HMCN1: variants seen among roughly 807,000 people sequenced by gnomAD.
The protein encoded by HMCN1 is hemicentin-1.
Under a neutral mutation model 625.9 loss-of-function variants are expected in HMCN1, and 321 were observed. That is an observed-to-expected ratio of 0.51 (90% CI 0.47 to 0.56). HMCN1 has a LOEUF of 0.56. Among genes scored for constraint, HMCN1 ranks in the 20% least tolerant of loss-of-function variants. The pLI, the probability that HMCN1 is intolerant of heterozygous loss-of-function variation, is 0.00. For missense variants in HMCN1, 6,588 were observed against 6,887.3 expected, an observed-to-expected ratio of 0.96 and a Z score of 1.54; for synonymous variants, 2,425 against 2,417.6, an observed-to-expected ratio of 1.00 and a Z score of -0.09.
intron 1 of HMCN1, among the ~76,000 whole-genome samples, chr1:185,795,842 T>A (rs924480626): frequency 1.3e-5 from 2 of 152,246 alleles, no homozygotes; most frequent in Non-Finnish European, 2.9e-5. Context: ...CTCACTCTTA[T>A]GTCACAAGGT....
At chr1:186,059,264 T>C (rs1657533022) in intron 46 of HMCN1, among the ~76,000 whole-genome samples, 1 of 152,086 alleles carries the variant, frequency 6.6e-6, no homozygotes, top group South Asian at 2.1e-4. Flanking sequence ...TGTATTAAAA[T>C]GTGGTTACCA....
intron 28 of HMCN1, 29 bp downstream of exon 28, chr1:186,001,770 C>T (rs1351552876): frequency 1.3e-6 from 2 of 1,585,608 alleles, no homozygotes; most frequent in Non-Finnish European, 1.7e-6. Context: ...TAAAAAACTA[C>T]AATTCAGAAG....
rs2102340884 is a variant in HMCN1, at chr1:185,857,408, TTTAGGGAGCTGTCTAA to T, written c.340-7059_340-7044del. On this transcript the variant is annotated intron_variant, in intron 2 of 106. Transcript: ENST00000271588. Reference sequence around the variant, plus strand: ...AAACTCAGACCCTTTCTAAAATGTATTTAGGGAGCTGTCTAATTCTATGCATTATACAGTTCATCTC... The same window carrying T: ...AAACTCAGACCCTTTCTAAAATGTATTTCTATGCATTATACAGTTCATCTC... Among the ~76,000 whole-genome samples the T allele has an allele frequency of 2.0e-5, 3 of 152,288 alleles. No individual in the cohort carries two copies. In the South Asian group the frequency reaches 6.2e-4, roughly 32 times the overall value.
At chr1:186,017,272 G>A (rs1229847885) in intron 33 of HMCN1, among the ~76,000 whole-genome samples, 1 of 151,992 alleles carries the variant, frequency 6.6e-6, no homozygotes, top group Non-Finnish European at 1.5e-5. Context: ...TCAATTAGAG[G>A]AATTCCATTG....
chr1:185,777,089 T>C (rs1656666897), intron 1 of HMCN1, among the ~76,000 whole-genome samples: 2 of 152,190 alleles, frequency 1.3e-5, no homozygotes, highest in Non-Finnish European at 2.9e-5. Context: ...TATAGTCTTA[T>C]TTTGCATAAT....
Position 186,154,843 on chromosome 1 carries a change from G to A in HMCN1, c.15256+856G>A, listed in dbSNP as rs116207472. 5.8e-3 allele frequency among the ~76,000 whole-genome samples: 883 copies of A among 152,238 alleles called. 11 individuals are homozygous for A. Among genetic ancestry groups the A allele is most frequent in the African/African-American group, 0.02 (817 of 41,536 alleles). Reference sequence around the variant, plus strand: ...TCTAAGTAGTCCATCTATGCTATGTGGTTCTTTGATGTGTCTGTCTCCTGA... The same window carrying A: ...TCTAAGTAGTCCATCTATGCTATGTAGTTCTTTGATGTGTCTGTCTCCTGA... On this transcript the variant is annotated intron_variant, in intron 97 of 106. Coordinates refer to ENST00000271588, the MANE Select transcript of HMCN1 (RefSeq NM_031935.3).
chr1:185,739,826 G>A (rs756369696), intron 1 of HMCN1, among the ~76,000 whole-genome samples: 6 of 152,174 alleles, frequency 3.9e-5, no homozygotes, highest in African/African-American at 4.8e-5. Flanking sequence ...AGCAGGAAAA[G>A]GGATGGGGAG....
rs368350815 is a variant in HMCN1 at position 185,989,474 on chromosome 1, G to A, written c.3049-14G>A. The A allele has an allele frequency of 4.3e-5, 70 of 1,613,076 alleles. No homozygotes were observed. The highest frequency in any genetic ancestry group is 6.6e-5 in the South Asian group (6 of 91,040). On this transcript the variant is annotated splice_polypyrimidine_tract_variant and intron_variant, in intron 20 of 106. Transcript: ENST00000271588. ...ACAAACAAAAAACCCTTTGCTTTTC[G>A]CCGTGTTTTGCAGAAAGGAGAGCTG...
At chr1:185,759,843 G>A (rs1390301445) in intron 1 of HMCN1, among the ~76,000 whole-genome samples, 1 of 152,026 alleles carries the variant, frequency 6.6e-6, no homozygotes, top group Non-Finnish European at 1.5e-5. Context: ...ACAATGTAAT[G>A]GGATTGTGAA....
Position 186,152,886 on chromosome 1 carries a change from T to A in HMCN1, c.15018+15T>A, listed in dbSNP as rs1558263412. On this transcript the variant is annotated intron_variant, in intron 96 of 106. Coordinates refer to ENST00000271588, the MANE Select transcript of HMCN1 (RefSeq NM_031935.3). ...TCACTGTAAAGGTAAAATGCCAGGA[T>A]AACTTGTCTTTGCTGCTTATTAGAG... 1 of 1,613,468 alleles carries A rather than the reference T, an allele frequency of 6.2e-7. No homozygotes were observed. Among genetic ancestry groups the A allele is most frequent in the Admixed American group, 1.7e-5 (1 of 60,004 alleles).
In HMCN1 at chr1:185,993,190, T is replaced by G; in HGVS notation, c.3386T>G (p.Phe1129Cys). The change falls in exon 23 of 107, where the codon TTC (phenylalanine) becomes TGC (cysteine). Residue 1129 changes from phenylalanine to cysteine, a missense_variant. Phe to Cys is a radical substitution (Grantham distance 205). This residue lies in a region of HMCN1 where 4,628 missense variants were observed against 4,853.1 expected (regional missense o/e 0.95). Coordinates refer to ENST00000271588, the MANE Select transcript of HMCN1 (RefSeq NM_031935.3). ...LISPFSPRHT[F>C]LPSGSMKITE... ...TGGTTTCTTTCTTTTAGACACACAT[T>G]CCTCCCTTCTGGTTCAATGAAGATC... The G allele has an allele frequency of 6.2e-7, 1 of 1,612,378 alleles. No individual in the cohort carries two copies. The highest frequency in any genetic ancestry group is 8.5e-7 in the Non-Finnish European group (1 of 1,178,608).
chr1:185,764,364 G>T (rs1655723249), intron 1 of HMCN1, among the ~76,000 whole-genome samples: 1 of 152,118 alleles, frequency 6.6e-6, no homozygotes, highest in African/African-American at 2.4e-5. Context: ...GGTTATAGTG[G>T]TTAATATTTC....
At chr1:186,112,095 G>T (rs1310581946) in intron 71 of HMCN1, among the ~76,000 whole-genome samples, 2 of 152,176 alleles carry the variant, frequency 1.3e-5, no homozygotes, top group Non-Finnish European at 2.9e-5. Flanking sequence ...TAATAGCAGA[G>T]ATTAGGTTTC....
At chr1:185,953,671 A>G (rs1186485232) in intron 11 of HMCN1, among the ~76,000 whole-genome samples, 2 of 151,934 alleles carry the variant, frequency 1.3e-5, no homozygotes, top group African/African-American at 4.8e-5. Context: ...GACCTGAGGT[A>G]GTAGGTGGAT....
At chr1:185,780,727 A>G (rs1657019527) in intron 1 of HMCN1, among the ~76,000 whole-genome samples, 1 of 152,120 alleles carries the variant, frequency 6.6e-6, no homozygotes. Context: ...AAGCTTTTTG[A>G]TGTGCTGCTG....
chr1:186,041,475 T>G (rs1656201332), intron 40 of HMCN1, among the ~76,000 whole-genome samples: 1 of 152,198 alleles, frequency 6.6e-6, no homozygotes, highest in Non-Finnish European at 1.5e-5. Context: ...CTCTCTTCAT[T>G]CATTCTACTC....
intron 36 of HMCN1, among the ~76,000 whole-genome samples, chr1:186,029,906 G>C (rs1473779077): frequency 6.6e-6 from 1 of 151,954 alleles, no homozygotes; most frequent in Non-Finnish European, 1.5e-5. Context: ...CATCCCACAA[G>C]TTTTGGCATG....
Position 185,925,054 on chromosome 1 carries a change from C to T in HMCN1, c.1293C>T (p.Pro431=), listed in dbSNP as rs1340412479. 2 of 1,611,350 alleles carry T rather than the reference C, an allele frequency of 1.2e-6. No individual in the cohort carries two copies. Among genetic ancestry groups the T allele is most frequent in the South Asian group, 1.1e-5 (1 of 90,876 alleles). ...VSFSSIVPDA[P]KVTMPEKTPG... is the part of the protein sequence containing the mutation. The stretch of plus-strand genomic sequence containing the variant: ...TTTTGTTTTTTTTCCTAGATGCTCC[C>T]AAAGTTACGATGCCTGAGAAAACCC... Residue 431 remains proline, a synonymous_variant, in exon 9 of 107, where the codon CCC becomes CCT. Transcript: ENST00000271588.
At chr1:185,792,123 T>C (rs933597823) in intron 1 of HMCN1, among the ~76,000 whole-genome samples, 2 of 152,194 alleles carry the variant, frequency 1.3e-5, no homozygotes, top group African/African-American at 4.8e-5. Context: ...CAAAAGAATA[T>C]AGAGGTCATT....
Sources: gnomAD v4.1 joint callset for allele counts (sites outside exome capture counted in the v4.1 genomes callset) on GRCh38, gnomAD v4.1.1 for gene constraint, gnomAD v4.1.1 regional missense constraint, MANE v1.5 for transcripts, NCBI Gene and HGNC (gene_info 2026-07-23, HGNC 2026-07-21) for gene names.